The following STAT4 variants were observed in gnomAD, a reference collection of about 807,000 sequenced individuals.
STAT4 encodes the protein signal transducer and activator of transcription 4.
Under a neutral mutation model 110.5 loss-of-function variants are expected in STAT4, and 42 were observed. That is an observed-to-expected ratio of 0.38 (90% confidence interval 0.30 to 0.49). The LOEUF (loss-of-function observed/expected upper bound fraction) is 0.49, where lower values mean the gene tolerates loss of function less well. Ranked by LOEUF, STAT4 falls within the 20% of genes least tolerant of loss-of-function variation. The pLI, the probability that STAT4 is intolerant of heterozygous loss-of-function variation, is 0.95. For synonymous variants in STAT4, 284 were observed against 302.2 expected (o/e 0.94, Z 0.63); for missense variants, 632 against 887.9 (o/e 0.71, Z 3.66).
Position 191,061,709 on chromosome 2 carries a change from T to C in STAT4, c.1034+20A>G, listed in dbSNP as rs1375862937. Reference sequence around the variant, plus strand: ...ATAGCTCCACAAACACACGAAATAGTAGAAAATGTTTTTGCCTACCTTAGT... The same window carrying C: ...ATAGCTCCACAAACACACGAAATAGCAGAAAATGTTTTTGCCTACCTTAGT... On this transcript the variant is annotated intron_variant, in intron 10 of 23. Coordinates refer to ENST00000392320, the MANE Select transcript of STAT4 (RefSeq NM_003151.4). The surrounding 1 kb of genome is among the most constrained non-coding windows in gnomAD (Gnocchi z 6.2). 1 of 1,607,198 alleles carries C rather than the reference T, an allele frequency of 6.2e-7. No individual in the cohort carries two copies.
At position 191,117,692 on chromosome 2, in the gene STAT4, G is replaced by C. The variant is rs1698607501; in HGVS notation, c.273+28921C>G. ...CAGAGGGCATTGCAAGCAATGAGTA[G>C]AGTCCATTCTAAGAATACAAAATAC... On this transcript the variant is annotated intron_variant, in intron 3 of 23. Transcript: ENST00000392320. The surrounding 1 kb of genome is among the most constrained non-coding windows in gnomAD (Gnocchi z 5.2). Among the ~76,000 whole-genome samples the C allele has an allele frequency of 6.6e-6, 1 of 152,138 alleles. No individual in the cohort carries two copies. Among genetic ancestry groups the C allele is most frequent in the Admixed American group, 6.6e-5 (1 of 15,258 alleles).
At chr2:191,078,616 T>C (rs956584224) in intron 3 of STAT4, among the ~76,000 whole-genome samples, 5 of 152,184 alleles carry the variant, frequency 3.3e-5, no homozygotes, top group Non-Finnish European at 7.4e-5. Context: ...TTTCAGCAGT[T>C]ACTAAGTACG....
chr2:191,122,699 A>C (rs1325097844), intron 3 of STAT4, among the ~76,000 whole-genome samples: 1 of 152,260 alleles, frequency 6.6e-6, no homozygotes, highest in Non-Finnish European at 1.5e-5. Context: ...ACAAAGAAAA[A>C]TACACATTAA....
chr2:191,068,710 C>A (rs1317472190), intron 6 of STAT4: 2 of 152,082 alleles, frequency 1.3e-5, no homozygotes, highest in African/African-American at 4.8e-5. Flanking sequence ...CACCTAGTTT[C>A]TTCTGTTCTC....
At chr2:191,065,048 A>C (rs1696950465) in intron 7 of STAT4, 90 bp from the exon 8 acceptor site, 2 of 1,342,420 alleles carry the variant, frequency 1.5e-6, no homozygotes, top group South Asian at 3.7e-5. Flanking sequence ...TGGTAGACAA[A>C]GGCTTGGTTA....
intron 3 of STAT4, among the ~76,000 whole-genome samples, chr2:191,127,830 G>A (rs753594166): frequency 1.3e-5 from 2 of 152,296 alleles, no homozygotes; most frequent in Admixed American, 6.5e-5. Context: ...AGGATGAATC[G>A]TCATGGACTC....
chr2:191,120,116 G>A (rs1698677850), intron 3 of STAT4, among the ~76,000 whole-genome samples: 1 of 152,074 alleles, frequency 6.6e-6, no homozygotes, highest in Admixed American at 6.5e-5. Context: ...CTAAAAGAAT[G>A]TTATGATCTA....
At position 191,104,910 on chromosome 2, in the gene STAT4, C is replaced by G. The variant is rs1279411106; in HGVS notation, c.274-28585G>C. Among the ~76,000 whole-genome samples the G allele has an allele frequency of 1.3e-5, 2 of 151,934 alleles. No homozygotes were observed. Among genetic ancestry groups the G allele is most frequent in the African/African-American group, 4.8e-5 (2 of 41,374 alleles). ...CCCATCTTATCTGGCCCCACAGAGA[C>G]AGGGTAACTGTTGGAATAGGGGCAG... is the stretch of plus-strand genomic sequence containing the variant. On this transcript the variant is annotated intron_variant, in intron 3 of 23. Transcript: ENST00000392320. This position sits in a 1 kb window ranked among gnomAD's most constrained non-coding sequence, Gnocchi z 4.3.
In STAT4 at chr2:191,033,353, A is replaced by G. The variant is rs901590089; in HGVS notation, c.1852+137T>C. ...TTCATAGGTACCCTGTTCTGAGACA[A>G]CTGCAACTACTAATATTCAAGCCCA... On this transcript the variant is annotated intron_variant, in intron 20 of 23. Transcript: ENST00000392320. This position sits in a 1 kb window ranked among gnomAD's most constrained non-coding sequence, Gnocchi z 6.9. 8.4e-6 allele frequency: 10 copies of G among 1,186,924 alleles called. No homozygotes were observed. In the South Asian group the frequency reaches 1.4e-4, roughly 17 times the overall value. 73.5% of individuals were successfully genotyped at this position (1,186,924 alleles called of 1,614,324 possible).
chr2:191,103,412 T>C (rs956842227), intron 3 of STAT4, among the ~76,000 whole-genome samples: 2 of 152,172 alleles, frequency 1.3e-5, no homozygotes, highest in Non-Finnish European at 2.9e-5. Context: ...TTATGTATTG[T>C]ATCTAAAAGT....
At position 191,076,268 on chromosome 2, in the gene STAT4, C is replaced by T; in HGVS notation, c.331G>A (p.Glu111Lys). 1 of 1,613,862 alleles carries T rather than the reference C, an allele frequency of 6.2e-7. No homozygotes were observed. The highest frequency in any genetic ancestry group is 8.5e-7 in the Non-Finnish European group (1 of 1,179,910). ...VAVVISNCLR[E>K]ERRILAAANM... is the part of the protein sequence containing the mutation. ...GCTGCAGCCAATATTCTCCTCTCTT[C>T]CCTTAAACAGTTTGAAATAACCACA... The change falls in exon 4 of 24, where the codon GAA becomes AAA. Residue 111 changes from glutamate (E) to lysine (K), a missense_variant. This residue lies in a region of STAT4 where 488 missense variants were observed against 632.8 expected (regional missense o/e 0.77). Coordinates refer to ENST00000392320, the MANE Select transcript of STAT4 (RefSeq NM_003151.4).
intron 1 of STAT4, 30 bp from the exon 2 acceptor site, chr2:191,148,234 T>G: frequency 1.2e-6 from 2 of 1,609,256 alleles, no homozygotes; most frequent in South Asian, 2.2e-5. Flanking sequence ...ATTAGAGTTT[T>G]AAAATATTGT....
In STAT4 at chr2:191,031,284, A is replaced by C; in HGVS notation, c.2111+166T>G. ...GGAATTTTATAATTTTAGGCACAATAGATTGTGGTAAGTGTGCCCTGAAGG... is the reference window on the plus strand; with the variant it reads ...GGAATTTTATAATTTTAGGCACAATCGATTGTGGTAAGTGTGCCCTGAAGG... On this transcript the variant is annotated intron_variant, in intron 22 of 23. Coordinates refer to ENST00000392320, the MANE Select transcript of STAT4 (RefSeq NM_003151.4). The surrounding 1 kb of genome is among the most constrained non-coding windows in gnomAD (Gnocchi z 4.8). 1 of 894,200 alleles carries C rather than the reference A, an allele frequency of 1.1e-6. No homozygotes were observed. Among genetic ancestry groups the C allele is most frequent in the Non-Finnish European group, 1.7e-6 (1 of 592,404 alleles). The allele number at this position is 894,200 out of a possible 1,614,324, so 55.4% of individuals were successfully genotyped here. A position where few individuals can be genotyped will look rare whatever the true frequency, so the allele number is the denominator to read the frequency against.
chr2:191,117,366 T>C lies in STAT4; in HGVS notation c.273+29247A>G, dbSNP rs1459641952. On this transcript the variant is annotated intron_variant, in intron 3 of 23. Transcript: ENST00000392320. The surrounding 1 kb of genome is among the most constrained non-coding windows in gnomAD (Gnocchi z 5.2). ...AGACTTGCCATTGCATCTAATTTAG[T>C]GCCAACACAAATGTAATTTATTGCA... Among the ~76,000 whole-genome samples, 1 of 152,248 alleles carries C rather than the reference T, an allele frequency of 6.6e-6. No homozygotes were observed. Among genetic ancestry groups the C allele is most frequent in the African/African-American group, 2.4e-5 (1 of 41,466 alleles).
Position 191,099,596 on chromosome 2 carries a change from C to T in STAT4, c.274-23271G>A, listed in dbSNP as rs891702160. 2.6e-5 allele frequency among the ~76,000 whole-genome samples: 4 copies of T among 152,068 alleles called. No individual in the cohort carries two copies. The highest frequency in any genetic ancestry group is 1.3e-4 in the Admixed American group (2 of 15,270). On this transcript the variant is annotated intron_variant, in intron 3 of 23. Transcript: ENST00000392320. The surrounding 1 kb of genome is among the most constrained non-coding windows in gnomAD (Gnocchi z 4.1). ...TTTTGTAAATGACAAAATATTTCAT[C>T]ATTTACAAAATTTCATAAACAACAC...
chr2:191,139,185 G>T (rs1359371570), intron 3 of STAT4, among the ~76,000 whole-genome samples: 2 of 151,714 alleles, frequency 1.3e-5, no homozygotes, highest in East Asian at 3.9e-4. Flanking sequence ...CCGAGAGCTG[G>T]AACAAGGCAA....
intron 3 of STAT4, among the ~76,000 whole-genome samples, chr2:191,125,042 G>A (rs1243822572): frequency 6.6e-6 from 1 of 152,182 alleles, no homozygotes; most frequent in Non-Finnish European, 1.5e-5. Flanking sequence ...GTAAGAATCC[G>A]AGGGAAAAGA....
intron 3 of STAT4, among the ~76,000 whole-genome samples, chr2:191,139,445 A>G (rs530565500): frequency 4.6e-5 from 7 of 152,192 alleles, no homozygotes; most frequent in Non-Finnish European, 8.8e-5. Flanking sequence ...GCTCTGATAT[A>G]CTCCAACAAC....
chr2:191,147,240 T>A lies in STAT4; in HGVS notation c.129-483A>T, dbSNP rs112571287. ...AGGGTTATTAGCAATAGCCAAAATG[T>A]TTGAACAACCCAAATGTCCATTGAC... On this transcript the variant is annotated intron_variant, in intron 2 of 23. Coordinates refer to ENST00000392320, the MANE Select transcript of STAT4 (RefSeq NM_003151.4). This position sits in a 1 kb window ranked among gnomAD's most constrained non-coding sequence, Gnocchi z 4.1. 1.5e-3 allele frequency among the ~76,000 whole-genome samples: 222 copies of A among 152,262 alleles called. 5 individuals carry two copies. The highest frequency in any genetic ancestry group is 5.0e-3 in the African/African-American group (208 of 41,544).
Sources: gnomAD v4.1 joint callset for allele counts (sites outside exome capture counted in the v4.1 genomes callset) on GRCh38, gnomAD v4.1.1 for gene constraint, gnomAD v4.1.1 regional missense constraint, Gnocchi (gnomAD v3.1) non-coding constraint, MANE v1.5 for transcripts, NCBI Gene and HGNC (gene_info 2026-07-23, HGNC 2026-07-21) for gene names.